Variants in PSMA1 observed in about 807,000 individuals in gnomAD.
The protein encoded by PSMA1 is proteasome subunit alpha type-1.
A neutral mutation model predicts 38.4 loss-of-function variants in PSMA1; 3 were observed. The observed-to-expected ratio is 0.08, with a 90% CI of 0.04 to 0.20. The LOEUF (loss-of-function observed/expected upper bound fraction) is 0.20, where lower values mean the gene tolerates loss of function less well. Among genes scored for constraint, PSMA1 ranks in the 10% least tolerant of loss-of-function variants. The pLI, the probability that PSMA1 is intolerant of heterozygous loss-of-function variation, is 1.00. For synonymous variants in PSMA1, 101 were observed against 107.1 expected, an observed-to-expected ratio of 0.94 and a Z score of 0.35; for missense variants, 227 against 325.3, an observed-to-expected ratio of 0.70 and a Z score of 2.32.
intron 9 of PSMA1, 62 bp from the exon 10 acceptor site, chr11:14,505,310 A>T: frequency 7.7e-7 from 1 of 1,299,646 alleles, no homozygotes. Flanking sequence ...ATACACATCT[A>T]ATCACAAATA....
intron 1 of PSMA1, among the ~76,000 whole-genome samples, chr11:14,633,993 C>T (rs1009258491): frequency 2.0e-5 from 3 of 152,222 alleles, no homozygotes; most frequent in Non-Finnish European, 2.9e-5. Context: ...CGCCCTGCTT[C>T]GGCTCGTGCA....
chr11:14,521,059 G>A (rs1191665349), upstream of PSMA1, among the ~76,000 whole-genome samples: 1 of 149,624 alleles, frequency 6.7e-6, no homozygotes, highest in African/African-American at 2.5e-5. Context: ...GACAGATTAG[G>A]CCACTGAGAA....
chr11:14,547,167 G>A (rs374822180), intron 2 of PSMA1, among the ~76,000 whole-genome samples: 4 of 152,210 alleles, frequency 2.6e-5, no homozygotes, highest in East Asian at 3.8e-4. Context: ...ACTGGGGCAA[G>A]GAGATTTCTG....
intron 1 of PSMA1, among the ~76,000 whole-genome samples, chr11:14,629,662 G>T (rs1468984124): frequency 1.3e-5 from 2 of 152,112 alleles, no homozygotes; most frequent in Non-Finnish European, 2.9e-5. Context: ...CTCTTTTTTG[G>T]TTCCGTATGA....
chr11:14,635,088 C>T (rs549942855), intron 1 of PSMA1, among the ~76,000 whole-genome samples: 2 of 152,270 alleles, frequency 1.3e-5, no homozygotes, highest in South Asian at 4.1e-4. Context: ...GAGTGGCTTG[C>T]TGGTCTGGAC....
intron 2 of PSMA1, among the ~76,000 whole-genome samples, chr11:14,537,885 T>G (rs898556693): frequency 2.0e-5 from 3 of 151,938 alleles, no homozygotes; most frequent in Admixed American, 1.3e-4. Context: ...ACTTTTGTAT[T>G]TTTAGTAGAG....
Position 14,505,182 on chromosome 11 carries a change from G to A in PSMA1, c.*10C>T. 3 of 1,607,406 alleles carry A rather than the reference G, an allele frequency of 1.9e-6. No individual in the cohort carries two copies. The highest frequency in any genetic ancestry group is 2.6e-6 in the Non-Finnish European group (3 of 1,174,022). On this transcript the variant is annotated 3_prime_UTR_variant, in exon 10 of 10. Coordinates refer to ENST00000396394, the MANE Select transcript of PSMA1 (RefSeq NM_002786.4). ...ATATTTGATAATACATATATAGACT[G>A]GCTTATCACTTAATGTTCCATTGGT...
chr11:14,534,032 T>C lies in PSMA1; in HGVS notation c.22-14991A>G, dbSNP rs1468159657. On this transcript the variant is annotated intron_variant, in intron 2 of 10. Transcript: ENST00000418988. This position sits in a 1 kb window ranked among gnomAD's most constrained non-coding sequence, Gnocchi z 4.5. ...CCCCATCTCTACTAAAAATACAAAATTAGCCGGGCATGGAGGTGCATGTCT... is the reference window on the plus strand; with the variant it reads ...CCCCATCTCTACTAAAAATACAAAACTAGCCGGGCATGGAGGTGCATGTCT... Among the ~76,000 whole-genome samples, 2 of 152,070 alleles carry C rather than the reference T, an allele frequency of 1.3e-5. No homozygotes were observed. Among genetic ancestry groups the C allele is most frequent in the East Asian group, 3.9e-4 (2 of 5,156 alleles).
At chr11:14,549,628 G>A (rs2090350752) in intron 2 of PSMA1, among the ~76,000 whole-genome samples, 1 of 151,386 alleles carries the variant, frequency 6.6e-6, no homozygotes, top group African/African-American at 2.4e-5. Flanking sequence ...GCGAACCTGG[G>A]AGGCAGAGTT....
chr11:14,608,742 T>C (rs1410515791), intron 2 of PSMA1, among the ~76,000 whole-genome samples: 1 of 148,100 alleles, frequency 6.8e-6, no homozygotes, highest in African/African-American at 2.5e-5. Context: ...AGTATACATA[T>C]TATGTATAAA....
At chr11:14,632,499 C>G (rs1853034683) in intron 1 of PSMA1, among the ~76,000 whole-genome samples, 1 of 147,002 alleles carries the variant, frequency 6.8e-6, no homozygotes, top group East Asian at 2.0e-4. Context: ...TTGGCCCCCA[C>G]TCTCTTCTGG....
chr11:14,556,466 T>G (rs565486387), intron 2 of PSMA1, among the ~76,000 whole-genome samples: 2 of 152,324 alleles, frequency 1.3e-5, no homozygotes, highest in African/African-American at 4.8e-5. Flanking sequence ...TAATGTTTCA[T>G]GATGATACAC....
intron 2 of PSMA1, among the ~76,000 whole-genome samples, chr11:14,586,672 A>C (rs1372834182): frequency 6.6e-6 from 1 of 152,112 alleles, no homozygotes; most frequent in Non-Finnish European, 1.5e-5. Flanking sequence ...ACCCATAGAA[A>C]GTCTACCTTT....
chr11:14,516,696 TG>T (rs1851435195), intron 4 of PSMA1, among the ~76,000 whole-genome samples: 1 of 151,998 alleles, frequency 6.6e-6, no homozygotes, highest in South Asian at 2.1e-4. Flanking sequence ...GAGGCTGAGG[TG>T]GGCAGATTAC....
intron 2 of PSMA1, among the ~76,000 whole-genome samples, chr11:14,592,495 C>T (rs1159950258): frequency 3.9e-5 from 6 of 151,982 alleles, no homozygotes; most frequent in African/African-American, 1.4e-4. Flanking sequence ...ACGCCATTCT[C>T]CTGCCTCAGC....
At chr11:14,608,526 C>T (rs997096506) in intron 2 of PSMA1, among the ~76,000 whole-genome samples, 2 of 149,274 alleles carry the variant, frequency 1.3e-5, no homozygotes, top group African/African-American at 4.9e-5. Flanking sequence ...CAAACCTGAA[C>T]GTTGTGCACA....
chr11:14,593,575 C>T (rs531739801), intron 2 of PSMA1, among the ~76,000 whole-genome samples: 7 of 137,708 alleles, frequency 5.1e-5, no homozygotes, highest in East Asian at 2.3e-4. Context: ...AAAGACATTC[C>T]GGGGTTACTG....
At chr11:14,518,189 C>T (rs911796383) in intron 2 of PSMA1, among the ~76,000 whole-genome samples, 14 of 151,686 alleles carry the variant, frequency 9.2e-5, no homozygotes, top group Non-Finnish European at 1.8e-4. Flanking sequence ...ACAACCTCTG[C>T]CTCCTAGGCT....
intron 2 of PSMA1, among the ~76,000 whole-genome samples, chr11:14,601,360 T>A (rs1236183305): frequency 6.6e-6 from 1 of 152,170 alleles, no homozygotes; most frequent in Non-Finnish European, 1.5e-5. Flanking sequence ...CTAAACTAAG[T>A]TCTAGCCTCC....
Sources: gnomAD v4.1 joint callset for allele counts (sites outside exome capture counted in the v4.1 genomes callset) on GRCh38, gnomAD v4.1.1 for gene constraint, Gnocchi (gnomAD v3.1) non-coding constraint, MANE v1.5 for transcripts, NCBI Gene and HGNC (gene_info 2026-07-23, HGNC 2026-07-21) for gene names.